Variants in SEZ6 observed in about 807,000 individuals in gnomAD.
The protein encoded by SEZ6 is seizure protein 6 homolog.
In SEZ6, 53 loss-of-function variants were observed where a neutral mutation model predicts 101.0. The ratio of observed to expected loss-of-function variants is 0.52; its 90% confidence interval spans 0.42 to 0.66. SEZ6 has a LOEUF of 0.66. SEZ6 is among the 30% of genes least tolerant of loss of function. The pLI is 0.00. For synonymous variants in SEZ6, 488 were observed against 512.2 expected (o/e 0.95, Z 0.64); for missense variants, 1,102 against 1,289.4 (o/e 0.85, Z 2.23).
intron 1 of SEZ6, among the ~76,000 whole-genome samples, chr17:28,997,985 C>T (rs989910314): frequency 1.3e-5 from 2 of 152,072 alleles, no homozygotes; most frequent in African/African-American, 4.8e-5. Context: ...TCTGGGACTC[C>T]TTAGGCACCT....
chr17:28,959,257 G>T lies in SEZ6; in HGVS notation c.1911-36C>A. 1 of 1,612,546 alleles carries T rather than the reference G, an allele frequency of 6.2e-7. No individual in the cohort carries two copies. On this transcript the variant is annotated intron_variant, in intron 9 of 16. Coordinates refer to ENST00000317338, the MANE Select transcript of SEZ6 (RefSeq NM_178860.5). The surrounding 1 kb of genome is among the most constrained non-coding windows in gnomAD (Gnocchi z 4.4). ...GGAGCGTCAGGGCAGAGCCGGCCTGGGGGCCCGAGGATGGGCTGGACAAGG... is the reference window on the plus strand; with the variant it reads ...GGAGCGTCAGGGCAGAGCCGGCCTGTGGGCCCGAGGATGGGCTGGACAAGG...
rs543072698 is a variant in SEZ6, at chr17:28,959,791, C to T, written c.1678G>A (p.Asp560Asn). 2.5e-5 allele frequency: 41 copies of T among 1,613,818 alleles called. No homozygotes were observed. The highest frequency in any genetic ancestry group is 6.7e-5 in the African/African-American group (5 of 75,030). ...PVGTTVEFSC[D>N]PGYTLEQGSI... ...CCCTGCTCCAGGGTGTAGCCAGGGT[C>T]GCAGCTGAACTCCACAGTGGTACCC... The change falls in exon 8 of 17, where the codon GAC (aspartate) becomes AAC (asparagine). Residue 560 changes from aspartate (D) to asparagine (N), a missense_variant. Physicochemically the swap from Asp to Asn is conservative, Grantham distance 23 (BLOSUM62 1). Around this residue, in one of 3 missense-constraint regions of SEZ6, gnomAD observed 556 missense variants for 735.1 expected, o/e 0.76. Coordinates refer to ENST00000317338, the MANE Select transcript of SEZ6 (RefSeq NM_178860.5). The surrounding 1 kb of genome is among the most constrained non-coding windows in gnomAD (Gnocchi z 4.4).
intron 15 of SEZ6, 23 bp from the exon 16 acceptor site, chr17:28,956,284 A>C (rs1304853792): frequency 1.3e-6 from 2 of 1,594,224 alleles, no homozygotes; most frequent in South Asian, 2.3e-5. Flanking sequence ...GAAGCCTGCA[A>C]GTCAGGAGCA....
At chr17:28,961,203 G>A (rs968484180) in intron 5 of SEZ6, among the ~76,000 whole-genome samples, 4 of 151,996 alleles carry the variant, frequency 2.6e-5, no homozygotes, top group African/African-American at 9.7e-5. Context: ...CACACCCCTG[G>A]GACTGACCAG....
At chr17:28,964,863 C>CCTGA (rs1238893796) in intron 4 of SEZ6, among the ~76,000 whole-genome samples, 1 of 151,640 alleles carries the variant, frequency 6.6e-6, no homozygotes, top group Non-Finnish European at 1.5e-5. Context: ...TCGAGACAAG[C>CCTGA]CTGACCAACA....
chr17:28,980,693 G>A (rs1196469126), intron 2 of SEZ6, among the ~76,000 whole-genome samples: 3 of 150,672 alleles, frequency 2.0e-5, no homozygotes, highest in South Asian at 2.1e-4. Context: ...TAGTAGAGAC[G>A]GGGTTTCACC....
chr17:28,997,368 A>G (rs1018756387), intron 1 of SEZ6, among the ~76,000 whole-genome samples: 1 of 152,216 alleles, frequency 6.6e-6, no homozygotes, highest in Admixed American at 6.5e-5. Context: ...GGGGCCTGCC[A>G]GCTGCTGGAC....
intron 1 of SEZ6, among the ~76,000 whole-genome samples, chr17:28,990,631 C>T (rs1000357242): frequency 6.6e-6 from 1 of 152,020 alleles, no homozygotes; most frequent in South Asian, 2.1e-4. Flanking sequence ...CCGGGTCCTG[C>T]GGCCCCCACC....
At chr17:28,991,911 T>A (rs535851742) in intron 1 of SEZ6, among the ~76,000 whole-genome samples, 9 of 152,304 alleles carry the variant, frequency 5.9e-5, no homozygotes, top group African/African-American at 2.2e-4. Context: ...GAGGATTTTA[T>A]GGGTGGAGGA....
intron 1 of SEZ6, among the ~76,000 whole-genome samples, chr17:28,991,227 C>T (rs775557402): frequency 8.3e-5 from 12 of 144,946 alleles, no homozygotes; most frequent in East Asian, 2.1e-4. Flanking sequence ...TTTATTGAGA[C>T]GGAATCTCGC....
chr17:28,976,558 C>G (rs2041223980), intron 3 of SEZ6, among the ~76,000 whole-genome samples: 1 of 152,142 alleles, frequency 6.6e-6, no homozygotes, highest in East Asian at 1.9e-4. Context: ...ACAGGCAGTC[C>G]CTTCTCCCCA....
chr17:28,987,867 C>G (rs1230282285), intron 1 of SEZ6, among the ~76,000 whole-genome samples: 1 of 152,194 alleles, frequency 6.6e-6, no homozygotes, highest in Non-Finnish European at 1.5e-5. Context: ...GATGGCAGAG[C>G]CTCGGACTGG....
Position 28,957,936 on chromosome 17 carries a change from G to A in SEZ6, c.2302+11C>T, listed in dbSNP as rs758860333. On this transcript the variant is annotated intron_variant, in intron 11 of 16. Coordinates refer to ENST00000317338, the MANE Select transcript of SEZ6 (RefSeq NM_178860.5). Reference sequence around the variant, plus strand: ...GTTGGGAAGGGGAGCGTGGGGAACAGGTATACTCACCCCTCTGGCATGAGG... The same window carrying A: ...GTTGGGAAGGGGAGCGTGGGGAACAAGTATACTCACCCCTCTGGCATGAGG... 14 of 1,610,022 alleles carry A rather than the reference G, an allele frequency of 8.7e-6. No homozygotes were observed. Among genetic ancestry groups the A allele is most frequent in the Non-Finnish European group, 1.1e-5 (13 of 1,176,678 alleles).
intron 3 of SEZ6, among the ~76,000 whole-genome samples, chr17:28,976,838 C>T (rs1294570199): frequency 6.6e-6 from 1 of 152,246 alleles, no homozygotes; most frequent in African/African-American, 2.4e-5. Context: ...CTGCTGGCTT[C>T]TCATCCTACA....
At position 28,981,525 on chromosome 17, in the gene SEZ6, G is replaced by A. The variant is rs1369643271; in HGVS notation, c.570C>T (p.Asp190=). ...AWTPTQEGPG[D]MGRPWVAEVV... Reference sequence around the variant, plus strand: ...CCTCTGCAACCCACGGCCTTCCCATGTCTCCAGGACCCTCTTGGGTTGGTG... The same window carrying A: ...CCTCTGCAACCCACGGCCTTCCCATATCTCCAGGACCCTCTTGGGTTGGTG... The change falls in exon 2 of 17, where the codon GAC becomes GAT. Residue 190 remains aspartate (D), a synonymous_variant. Transcript: ENST00000317338. 2 of 1,611,830 alleles carry A rather than the reference G, an allele frequency of 1.2e-6. No homozygotes were observed. Among genetic ancestry groups the A allele is most frequent in the Non-Finnish European group, 1.7e-6 (2 of 1,178,954 alleles).
At chr17:28,990,088 C>CA (rs769598462) in intron 1 of SEZ6, among the ~76,000 whole-genome samples, 16 of 151,500 alleles carry the variant, frequency 1.1e-4, no homozygotes, top group Non-Finnish European at 1.5e-4. Flanking sequence ...CACACACACA[C>CA]AAAAAAAAGA....
intron 3 of SEZ6, among the ~76,000 whole-genome samples, 173 bp downstream of exon 3, chr17:28,979,507 A>C (rs989691945): frequency 6.6e-6 from 1 of 152,194 alleles, no homozygotes; most frequent in Non-Finnish European, 1.5e-5. Flanking sequence ...GGCCATTGCC[A>C]AACACACGGG....
chr17:29,005,706 T>G lies in SEZ6; in HGVS notation c.55+109A>C, dbSNP rs1214547758. The G allele has an allele frequency of 1.7e-6, 2 of 1,173,894 alleles. No individual in the cohort carries two copies. The highest frequency in any genetic ancestry group is 3.1e-4 in the Middle Eastern group (1 of 3,256). 72.7% of individuals were successfully genotyped at this position (1,173,894 alleles called of 1,614,324 possible). On this transcript the variant is annotated intron_variant, in intron 1 of 16. Transcript: ENST00000317338. This position sits in a 1 kb window ranked among gnomAD's most constrained non-coding sequence, Gnocchi z 4.8. ...GGGCAGCGCAGCCGGCGGGGCGCGG[T>G]GCTTGGACTGGGCAGCCAGATGCCC...
intron 4 of SEZ6, among the ~76,000 whole-genome samples, chr17:28,965,555 C>T (rs1417125632): frequency 6.6e-6 from 1 of 152,010 alleles, no homozygotes; most frequent in Non-Finnish European, 1.5e-5. Flanking sequence ...AGTGGGATCG[C>T]TTGAGCCTAG....
Sources: allele counts gnomAD v4.1 joint callset (sites outside exome capture counted in the v4.1 genomes callset), GRCh38; gene constraint gnomAD v4.1.1; regional missense constraint gnomAD v4.1.1; non-coding constraint Gnocchi (gnomAD v3.1); transcripts MANE v1.5; gene names NCBI Gene and HGNC (gene_info 2026-07-23, HGNC 2026-07-21).